TTC29: variants seen among roughly 807,000 people sequenced by gnomAD.
The protein encoded by TTC29 is tetratricopeptide repeat domain 29.
TTC29 carries 49 observed loss-of-function variants against 58.1 expected under a neutral mutation model. That is an observed-to-expected ratio of 0.84 (90% CI 0.67 to 1.07). The LOEUF is 1.07. TTC29 is among the 50% of genes least tolerant of loss of function. The probability of loss-of-function intolerance (pLI) is 0.00; values close to 1 mark genes in which losing one functional copy is unlikely to be tolerated. For missense variants in TTC29, 582 were observed against 555.6 expected, an observed-to-expected ratio of 1.05 and a Z score of -0.48; for synonymous variants, 209 against 196.8, an observed-to-expected ratio of 1.06 and a Z score of -0.52.
At chr4:146,728,873 GTGTA>G (rs1561066930) in intron 11 of TTC29, among the ~76,000 whole-genome samples, 2 of 22,614 alleles carry the variant, frequency 8.8e-5, no homozygotes, top group Non-Finnish European at 3.3e-4. Context: ...ATATATGTGT[GTGTA>G]TATATATATG....
At chr4:146,843,300 A>AT (rs1404812384) in intron 8 of TTC29, among the ~76,000 whole-genome samples, 2 of 152,176 alleles carry the variant, frequency 1.3e-5, no homozygotes, top group African/African-American at 4.8e-5. Context: ...ACAATTAGGG[A>AT]TGTCGCTTTG....
At chr4:146,769,515 A>C (rs776328559) in intron 11 of TTC29, among the ~76,000 whole-genome samples, 6 of 152,034 alleles carry the variant, frequency 3.9e-5, no homozygotes, top group Non-Finnish European at 8.8e-5. Context: ...GATTAAGCAT[A>C]TATTTTTTAT....
At chr4:146,788,870 T>C (rs1234050387) in intron 11 of TTC29, among the ~76,000 whole-genome samples, 6 of 152,108 alleles carry the variant, frequency 3.9e-5, no homozygotes, top group Non-Finnish European at 8.8e-5. Context: ...GGAAAGTAGA[T>C]TATTTTGGAT....
At chr4:146,851,976 C>T (rs1005717523) in intron 8 of TTC29, among the ~76,000 whole-genome samples, 1 of 152,192 alleles carries the variant, frequency 6.6e-6, no homozygotes. Flanking sequence ...CACTCTGTCG[C>T]CCAGACTGGA....
chr4:146,800,797 G>T (rs1184192550), intron 11 of TTC29, among the ~76,000 whole-genome samples: 1 of 152,278 alleles, frequency 6.6e-6, no homozygotes, highest in African/African-American at 2.4e-5. Context: ...TTCTTTTGTA[G>T]GGAATACCAA....
chr4:146,803,799 C>T (rs776308213), intron 10 of TTC29, 114 bp from the exon 11 acceptor site: 2 of 742,030 alleles, frequency 2.7e-6, no homozygotes, highest in African/African-American at 1.8e-5. Context: ...TACAGCAGTT[C>T]ATCTTCAAGA....
chr4:146,759,053 G>C (rs1212368734), intron 11 of TTC29, among the ~76,000 whole-genome samples: 2 of 152,076 alleles, frequency 1.3e-5, no homozygotes, highest in Admixed American at 1.3e-4. Context: ...CAAAGAGCTG[G>C]TTCTTTTAAA....
rs70958534 is a variant in TTC29, at chr4:146,930,084, C to CATATATATATATAT, written c.176+7496_176+7509dup. The stretch of plus-strand genomic sequence containing the variant: ...CTACATATATTTGTATGTGTGTGTG[C>CATATATATATATAT]ATATATATATATATATATATATATA... On this transcript the variant is annotated intron_variant, in intron 4 of 12. Transcript: ENST00000325106. 2.9e-3 allele frequency among the ~76,000 whole-genome samples: 223 copies of CATATATATATATAT among 77,372 alleles called. 6 individuals carry two copies. The highest frequency in any genetic ancestry group is 0.021 in the Middle Eastern group (2 of 94). 50.8% of individuals were successfully genotyped at this position (77,372 alleles called of 152,430 possible). A position where few individuals can be genotyped will look rare whatever the true frequency, so the allele number is the denominator to read the frequency against.
chr4:146,935,720 T>G (rs1272020207), intron 4 of TTC29, among the ~76,000 whole-genome samples: 1 of 152,180 alleles, frequency 6.6e-6, no homozygotes, highest in Non-Finnish European at 1.5e-5. Flanking sequence ...GCCAAGTATT[T>G]TACAATAAAA....
chr4:146,719,189 GGTGTGTGTGTGTGTGTGTGTGT>G (rs60552473), intron 11 of TTC29, among the ~76,000 whole-genome samples: 1 of 144,086 alleles, frequency 6.9e-6, no homozygotes, highest in African/African-American at 2.6e-5. Context: ...TGGCTATTGG[GGTGTGTGTGTGTGTGTGTGTGT>G]GTGTGTGTGT....
intron 11 of TTC29, among the ~76,000 whole-genome samples, chr4:146,764,566 A>G (rs1306663433): frequency 6.6e-6 from 1 of 152,110 alleles, no homozygotes; most frequent in Non-Finnish European, 1.5e-5. Flanking sequence ...ACCTTAAAAT[A>G]GAATCAGTTT....
Position 146,857,277 on chromosome 4 carries a change from A to AGTGTGTGTGTGTGTGT in TTC29, c.885+10205_885+10220dup, listed in dbSNP as rs70958531. 1.8e-4 allele frequency among the ~76,000 whole-genome samples: 27 copies of AGTGTGTGTGTGTGTGT among 149,322 alleles called. 1 individual carries two copies. The highest frequency in any genetic ancestry group is 6.4e-4 in the African/African-American group (26 of 40,542). ...GGCGCTGTTTGTGTACTAGTGGAAG[A>AGTGTGTGTGTGTGTGT]GTGTGTGTGTGTGTGTGTGTGGAGG... On this transcript the variant is annotated intron_variant, in intron 8 of 12. Transcript: ENST00000325106.
intron 11 of TTC29, among the ~76,000 whole-genome samples, chr4:146,748,570 G>A (rs1417338794): frequency 6.6e-6 from 1 of 152,116 alleles, no homozygotes; most frequent in Non-Finnish European, 1.5e-5. Context: ...AACCTATGCA[G>A]CCACCACCAC....
chr4:146,797,832 T>TTATATATATATACATA (rs1749929584), intron 11 of TTC29, among the ~76,000 whole-genome samples: 1 of 130,036 alleles, frequency 7.7e-6, no homozygotes, highest in African/African-American at 2.9e-5. Flanking sequence ...TTACTTTGTT[T>TTATATATATATACATA]TATATATATA....
intron 11 of TTC29, among the ~76,000 whole-genome samples, chr4:146,722,491 C>T (rs1455707057): frequency 6.6e-6 from 1 of 152,062 alleles, no homozygotes; most frequent in Non-Finnish European, 1.5e-5. Context: ...ACCAATGGAA[C>T]AGAATGGAGA....
chr4:146,818,781 G>C (rs901683102), intron 10 of TTC29, among the ~76,000 whole-genome samples: 5 of 152,110 alleles, frequency 3.3e-5, no homozygotes, highest in African/African-American at 1.2e-4. Context: ...CATGTCCTTT[G>C]TAGGGACATG....
intron 11 of TTC29, among the ~76,000 whole-genome samples, chr4:146,720,011 C>T (rs1274503559): frequency 6.6e-6 from 1 of 152,042 alleles, no homozygotes; most frequent in East Asian, 1.9e-4. Context: ...TAAATCGATC[C>T]ATTTATTACA....
At position 146,813,777 on chromosome 4, in the gene TTC29, A is replaced by ATGAACCTGCCCTTGAGGGCAG. The variant is rs1751185996; in HGVS notation, c.1101+6347_1101+6348insCTGCCCTCAAGGGCAGGTTCA. Among the ~76,000 whole-genome samples, 3 of 152,330 alleles carry ATGAACCTGCCCTTGAGGGCAG rather than the reference A, an allele frequency of 2.0e-5. No homozygotes were observed. The South Asian group carries it at 6.2e-4, about 32-fold the overall frequency. ...GGAGGGAGGATCACTTGAGGGCAGGAGTTCGAGACGAACCTGGCCAACATG... is the reference window on the plus strand; with the variant it reads ...GGAGGGAGGATCACTTGAGGGCAGGATGAACCTGCCCTTGAGGGCAGGTTCGAGACGAACCTGGCCAACATG... On this transcript the variant is annotated intron_variant, in intron 10 of 12. Transcript: ENST00000325106.
At chr4:146,932,618 CA>C (rs1735426684) in intron 4 of TTC29, among the ~76,000 whole-genome samples, 1 of 152,018 alleles carries the variant, frequency 6.6e-6, no homozygotes, top group Non-Finnish European at 1.5e-5. Context: ...ATTTGTAGTT[CA>C]TAAAAGCATC....
Sources: allele counts gnomAD v4.1 joint callset (sites outside exome capture counted in the v4.1 genomes callset), GRCh38; gene constraint gnomAD v4.1.1; transcripts MANE v1.5; gene names NCBI Gene and HGNC (gene_info 2026-07-23, HGNC 2026-07-21).